PAMR1: variants seen among roughly 807,000 people sequenced by gnomAD.
PAMR1 encodes peptidase domain containing associated with muscle regeneration 1.
A neutral mutation model predicts 81.8 loss-of-function variants in PAMR1; 88 were observed. The observed-to-expected ratio is 1.08, with a 90% CI of 0.91 to 1.28. The LOEUF (loss-of-function observed/expected upper bound fraction) is 1.28, where lower values mean the gene tolerates loss of function less well. Among genes scored for constraint, PAMR1 ranks in the 50% most tolerant of loss-of-function variants. PAMR1 has a pLI of 0.00. For synonymous variants in PAMR1, 336 were observed against 345.3 expected, an observed-to-expected ratio of 0.97 and a Z score of 0.30; for missense variants, 935 against 919.7, an observed-to-expected ratio of 1.02 and a Z score of -0.21.
At chr11:35,516,075 C>T (rs34590343) in intron 1 of PAMR1, among the ~76,000 whole-genome samples, 10,248 of 152,224 alleles carry the variant, frequency 0.067, 407 homozygotes, top group South Asian at 0.12. Flanking sequence ...GGGAACTATG[C>T]TAAGTATGTT....
intron 8 of PAMR1, among the ~76,000 whole-genome samples, chr11:35,438,165 G>A (rs1856092210): frequency 6.6e-6 from 1 of 152,200 alleles, no homozygotes; most frequent in African/African-American, 2.4e-5. Context: ...GCCAGATACT[G>A]AATTTACATC....
At chr11:35,466,955 GCCT>G (rs1856769030) in intron 6 of PAMR1, among the ~76,000 whole-genome samples, 1 of 151,790 alleles carries the variant, frequency 6.6e-6, no homozygotes, top group Non-Finnish European at 1.5e-5. Flanking sequence ...ACTTCCAATG[GCCT>G]GTACTTGTGA....
rs144382556 is a variant in PAMR1, at chr11:35,513,746, A to G, written c.73+11767T>C. Among the ~76,000 whole-genome samples the G allele has an allele frequency of 2.8e-3, 433 of 152,322 alleles. 4 individuals carry two copies. The highest frequency in any genetic ancestry group is 1.0e-2 in the African/African-American group (414 of 41,578). ...ACAACACACTCCCCAGACCACCTGTATTGAAACTACCTGGGATGCTTGCTT... is the reference window on the plus strand; with the variant it reads ...ACAACACACTCCCCAGACCACCTGTGTTGAAACTACCTGGGATGCTTGCTT... On this transcript the variant is annotated intron_variant, in intron 1 of 10. Coordinates refer to ENST00000619888, the MANE Select transcript of PAMR1 (RefSeq NM_001001991.3).
intron 6 of PAMR1, among the ~76,000 whole-genome samples, chr11:35,465,788 T>A (rs186787346): frequency 1.2e-4 from 19 of 152,220 alleles, no homozygotes; most frequent in Admixed American, 1.2e-3. Context: ...ACCAGCAAGG[T>A]AGAATTTTCC....
intron 6 of PAMR1, among the ~76,000 whole-genome samples, chr11:35,447,483 G>A (rs746343293): frequency 1.5e-4 from 23 of 152,176 alleles, no homozygotes; most frequent in East Asian, 3.9e-4. Flanking sequence ...GGTTACAGGC[G>A]TGAGCCATTG....
At chr11:35,474,562 A>G in intron 4 of PAMR1, 68 bp downstream of exon 4, 1 of 871,582 alleles carries the variant, frequency 1.1e-6, no homozygotes, top group Admixed American at 2.5e-5. Context: ...CCAGTGACCA[A>G]GAGCCTTCCA....
At chr11:35,525,718 G>A, upstream of PAMR1, 2 of 719,034 alleles carry the variant, frequency 2.8e-6, no homozygotes, top group Non-Finnish European at 4.9e-6. Context: ...AGCTCGCCAG[G>A]CTCTCCCATC....
rs1565340469 is a variant in PAMR1, at chr11:35,470,648, C to T, written c.665G>A (p.Gly222Asp). The change falls in exon 5 of 11, where the codon GGC becomes GAC. Residue 222 changes from glycine (G) to aspartate (D), a missense_variant. Transcript: ENST00000619888. ...ATGGAAACCGTCAAAATTCTTGGAGCCATCGGAGTGGAAGAGGACGTGGAG... is the reference window on the plus strand; with the variant it reads ...ATGGAAACCGTCAAAATTCTTGGAGTCATCGGAGTGGAAGAGGACGTGGAG... The part of the protein sequence containing the change: ...SSLHVLFHSD[G>D]SKNFDGFHAI... The T allele has an allele frequency of 1.9e-6, 3 of 1,614,158 alleles. No individual in the cohort carries two copies. Among genetic ancestry groups the T allele is most frequent in the South Asian group, 1.1e-5 (1 of 91,078 alleles).
At chr11:35,445,375 G>A (rs2421895) in intron 6 of PAMR1, among the ~76,000 whole-genome samples, 55,652 of 151,992 alleles carry the variant, frequency 0.37, 10,544 homozygotes, top group African/African-American at 0.46. Context: ...TTCCAGTACT[G>A]TGTTGAATAG....
At chr11:35,490,717 T>C (rs1429024371) in intron 3 of PAMR1, among the ~76,000 whole-genome samples, 3 of 152,248 alleles carry the variant, frequency 2.0e-5, no homozygotes, top group Admixed American at 1.3e-4. Context: ...AACAGTGACA[T>C]ATTTATTGCA....
intron 3 of PAMR1, among the ~76,000 whole-genome samples, chr11:35,486,431 C>T (rs954309170): frequency 3.9e-5 from 6 of 152,234 alleles, no homozygotes; most frequent in Admixed American, 2.0e-4. Flanking sequence ...GCCCGTCTGG[C>T]TTATCATTGT....
intron 1 of PAMR1, among the ~76,000 whole-genome samples, chr11:35,510,940 A>C (rs765922595): frequency 3.3e-5 from 5 of 152,244 alleles, no homozygotes; most frequent in Non-Finnish European, 7.3e-5. Flanking sequence ...GGCATCTCCT[A>C]TCTAAAGTGG....
At chr11:35,475,317 A>G (rs892858304) in intron 3 of PAMR1, among the ~76,000 whole-genome samples, 4 of 152,204 alleles carry the variant, frequency 2.6e-5, no homozygotes, top group Admixed American at 6.5e-5. Context: ...GACTGGATTG[A>G]TGATTTTCTC....
chr11:35,434,928 A>G (rs1856003631), intron 9 of PAMR1, 124 bp from the exon 10 acceptor site: 4 of 845,006 alleles, frequency 4.7e-6, no homozygotes, highest in Admixed American at 5.4e-5. Flanking sequence ...GACCACTAAG[A>G]TAAGTAACCC....
At chr11:35,450,362 G>A (rs960965737) in intron 6 of PAMR1, among the ~76,000 whole-genome samples, 6 of 152,046 alleles carry the variant, frequency 3.9e-5, no homozygotes, top group African/African-American at 1.4e-4. Context: ...TCTGGCAAAT[G>A]AATCCAAAGC....
rs1850299618 is a variant in PAMR1, at chr11:35,477,140, TGCTTTGTTTCCTTCATAATACACAC to T, written c.380-2421_380-2397del. Among the ~76,000 whole-genome samples the T allele has an allele frequency of 4.6e-5, 7 of 152,336 alleles. No individual in the cohort carries two copies. The South Asian group carries it at 1.4e-3, about 32-fold the overall frequency. On this transcript the variant is annotated intron_variant, in intron 3 of 10. Coordinates refer to ENST00000619888, the MANE Select transcript of PAMR1 (RefSeq NM_001001991.3). ...AATTCTATGGTCAATATTATTACTC[TGCTTTGTTTCCTTCATAATACACAC>T]GCCTATTTGAAATTATCTCACTTAC...
chr11:35,507,729 G>A (rs115390500), intron 1 of PAMR1, among the ~76,000 whole-genome samples: 1,826 of 149,870 alleles, frequency 0.012, 29 homozygotes, highest in African/African-American at 0.042. Context: ...AGTCGTCTCT[G>A]TATGGCTTGT....
chr11:35,452,379 G>A (rs1282594078), intron 6 of PAMR1, among the ~76,000 whole-genome samples: 1 of 152,004 alleles, frequency 6.6e-6, no homozygotes. Context: ...AGAGTGAGAA[G>A]GCTAAAAAAT....
chr11:35,529,923 G>A (rs888066749), upstream of PAMR1: 5 of 152,202 alleles, frequency 3.3e-5, no homozygotes, highest in African/African-American at 1.2e-4. Flanking sequence ...TTTTCACATG[G>A]TACCTTTTTC....
Sources: gnomAD v4.1 joint callset for allele counts (sites outside exome capture counted in the v4.1 genomes callset) on GRCh38, gnomAD v4.1.1 for gene constraint, MANE v1.5 for transcripts, NCBI Gene and HGNC (gene_info 2026-07-23, HGNC 2026-07-21) for gene names.